The following ABHD8 variants were observed in gnomAD, a reference collection of about 807,000 sequenced individuals.
The protein encoded by ABHD8 is protein ABHD8.
In ABHD8, 10 loss-of-function variants were observed where a neutral mutation model predicts 29.3. That is an observed-to-expected ratio of 0.34 (90% CI 0.21 to 0.58). The LOEUF is 0.58. Among genes scored for constraint, ABHD8 ranks in the 20% least tolerant of loss-of-function variants. The pLI is 0.85. For synonymous variants in ABHD8, 282 were observed against 274.6 expected, an observed-to-expected ratio of 1.03 and a Z score of -0.27; for missense variants, 556 against 615.3, an observed-to-expected ratio of 0.90 and a Z score of 1.02.
At chr19:17,298,639 G>A (rs2074103429) in intron 2 of ABHD8, among the ~76,000 whole-genome samples, 1 of 151,776 alleles carries the variant, frequency 6.6e-6, no homozygotes, top group Admixed American at 6.6e-5. Flanking sequence ...TGCATCCAGT[G>A]GGCAGAAGCC....
Position 17,292,609 on chromosome 19 carries a change from C to G in ABHD8, c.*52G>C. 4.5e-6 allele frequency: 7 copies of G among 1,540,024 alleles called. No homozygotes were observed. Among genetic ancestry groups the G allele is most frequent in the Non-Finnish European group, 6.1e-6 (7 of 1,143,866 alleles). On this transcript the variant is annotated 3_prime_UTR_variant, in exon 5 of 5. Transcript: ENST00000247706. ...GCTGCAGACCTGGCGCAGGCTCGGG[C>G]CTCCTCCTGCTGCGGCTGTGCTCAC...
At chr19:17,301,953 C>G (rs2074122157) in intron 1 of ABHD8, among the ~76,000 whole-genome samples, 1 of 152,124 alleles carries the variant, frequency 6.6e-6, no homozygotes, top group South Asian at 2.1e-4. Context: ...GCCACCATGT[C>G]TAGCTAATTT....
At position 17,298,836 on chromosome 19, in the gene ABHD8, G is replaced by A. The variant is rs1356551111; in HGVS notation, c.761+2020C>T. On this transcript the variant is annotated intron_variant, in intron 2 of 4. Transcript: ENST00000247706. Reference sequence around the variant, plus strand: ...GCTCACTGCAACCTCTGCCTCCCAGGTTCAAGTGATTCTCCTGCCTCACAC... The same window carrying A: ...GCTCACTGCAACCTCTGCCTCCCAGATTCAAGTGATTCTCCTGCCTCACAC... Among the ~76,000 whole-genome samples, 4 of 144,146 alleles carry A rather than the reference G, an allele frequency of 2.8e-5. No individual in the cohort carries two copies. The East Asian group carries it at 6.0e-4, about 22-fold the overall frequency. 94.6% of individuals were successfully genotyped at this position (144,146 alleles called of 152,430 possible).
At chr19:17,294,156 A>G (rs1040202977) in intron 4 of ABHD8, 132 bp downstream of exon 4, 110 of 1,142,456 alleles carry the variant, frequency 9.6e-5, no homozygotes, top group Non-Finnish European at 1.2e-4. Flanking sequence ...GGCCACGCCC[A>G]CCCGGCAGCC....
intron 2 of ABHD8, among the ~76,000 whole-genome samples, chr19:17,299,561 A>C (rs1017659744): frequency 1.2e-5 from 1 of 80,986 alleles, no homozygotes; most frequent in African/African-American, 5.0e-5. Context: ...ACTCCATCTC[A>C]AAAAAAAAAA....
At chr19:17,295,762 C>T (rs1448812495) in intron 2 of ABHD8, among the ~76,000 whole-genome samples, 1 of 152,128 alleles carries the variant, frequency 6.6e-6, no homozygotes, top group Non-Finnish European at 1.5e-5. Context: ...TGGAGTGGTG[C>T]GGTGGCGTAA....
intron 2 of ABHD8, among the ~76,000 whole-genome samples, chr19:17,300,513 T>C (rs2074112504): frequency 6.6e-6 from 1 of 152,100 alleles, no homozygotes; most frequent in African/African-American, 2.4e-5. Context: ...AGTCTCCCTC[T>C]GTCGCCCAGG....
chr19:17,295,198 C>T (rs2074088581), intron 2 of ABHD8, among the ~76,000 whole-genome samples: 1 of 149,310 alleles, frequency 6.7e-6, no homozygotes, highest in Non-Finnish European at 1.5e-5. Context: ...CTCCGCTTCC[C>T]GGGTTCACGC....
rs199521781 is a variant in ABHD8 at position 17,294,316 on chromosome 19, G to A, written c.1121C>T (p.Pro374Leu). 102 of 1,608,896 alleles carry A rather than the reference G, an allele frequency of 6.3e-5. No individual in the cohort carries two copies. The highest frequency in any genetic ancestry group is 8.0e-5 in the Non-Finnish European group (94 of 1,179,854). Residue 374 changes from proline to leucine, a missense_variant, in exon 4 of 5, where the codon CCG (proline) becomes CTG (leucine). Transcript: ENST00000247706. ...GGCCATGCGCTGGTCTTCCTCCACC[G>A]GCACAAACTTATCGTGCATGCCGTG... is the stretch of plus-strand genomic sequence containing the variant. Reference protein sequence around the residue: ...LVHGMHDKFVPVEEDQRMAEI... With the variant: ...LVHGMHDKFVLVEEDQRMAEI...
intron 2 of ABHD8, chr19:17,298,468 G>T (rs1400715295): frequency 6.6e-6 from 1 of 152,112 alleles, no homozygotes; most frequent in Non-Finnish European, 1.5e-5. Flanking sequence ...ACAGGATTCC[G>T]ATGAGCGCTT....
chr19:17,292,559 C>A lies in ABHD8; in HGVS notation c.*102G>T. ...CCTGACCTGGCCCCGCCCACCGGAGCGAACGGCCCGCCCAGGTGGTCTGCG... is the reference window on the plus strand; with the variant it reads ...CCTGACCTGGCCCCGCCCACCGGAGAGAACGGCCCGCCCAGGTGGTCTGCG... On this transcript the variant is annotated 3_prime_UTR_variant, in exon 5 of 5. Coordinates refer to ENST00000247706, the MANE Select transcript of ABHD8 (RefSeq NM_024527.5). The A allele has an allele frequency of 1.5e-6, 2 of 1,328,110 alleles. No individual in the cohort carries two copies. The highest frequency in any genetic ancestry group is 2.0e-6 in the Non-Finnish European group (2 of 1,017,102). The allele number at this position is 1,328,110 out of a possible 1,614,324, so 82.3% of individuals were successfully genotyped here. A position where few individuals can be genotyped will look rare whatever the true frequency, so the allele number is the denominator to read the frequency against.
intron 4 of ABHD8, 47 bp from the exon 5 acceptor site, chr19:17,292,878 G>A (rs1250144588): frequency 1.9e-6 from 3 of 1,580,396 alleles, no homozygotes; most frequent in Non-Finnish European, 1.7e-6. Flanking sequence ...AGAGGGTGGA[G>A]AGAGGCCAGG....
In ABHD8 at chr19:17,294,764, C is replaced by T. The variant is rs777500896; in HGVS notation, c.843G>A (p.Thr281=). ...TTGAGCAGAAGCTGGGCTCCAGCGC[C>T]GTAGGGCCCCCGCCATTGATCATGA... ...KVIMINGGGP[T]ALEPSFCSIF... The change falls in exon 3 of 5, where the codon ACG becomes ACA. Residue 281 remains threonine (T), a synonymous_variant. Transcript: ENST00000247706. The T allele has an allele frequency of 3.7e-6, 6 of 1,614,028 alleles. No individual in the cohort carries two copies. The highest frequency in any genetic ancestry group is 5.1e-6 in the Non-Finnish European group (6 of 1,180,038).
chr19:17,297,313 C>T (rs1382640206), intron 2 of ABHD8, among the ~76,000 whole-genome samples: 1 of 151,638 alleles, frequency 6.6e-6, no homozygotes, highest in Non-Finnish European at 1.5e-5. Flanking sequence ...GTTTTTTTCT[C>T]GAGACAGAGT....
chr19:17,299,242 C>CT (rs796827763), intron 2 of ABHD8, among the ~76,000 whole-genome samples: 1 of 146,950 alleles, frequency 6.8e-6, no homozygotes, highest in African/African-American at 2.5e-5. Context: ...AGACCCCCCC[C>CT]CCATTCTCTA....
rs1374813542 is a variant in ABHD8 at position 17,292,184 on chromosome 19, G to C, written c.*477C>G. 1.1e-5 allele frequency: 2 copies of C among 183,828 alleles called. No homozygotes were observed. Among genetic ancestry groups the C allele is most frequent in the Non-Finnish European group, 2.2e-5 (2 of 89,868 alleles). 11.4% of individuals were successfully genotyped at this position (183,828 alleles called of 1,614,324 possible). A position where few individuals can be genotyped will look rare whatever the true frequency, so the allele number is the denominator to read the frequency against. ...ACAAGTTGAGATGTGCAGGTTCGGT[G>C]GCGCCAGCCCCCCCATCCCCCCCCC... On this transcript the variant is annotated 3_prime_UTR_variant, in exon 5 of 5. Coordinates refer to ENST00000247706, the MANE Select transcript of ABHD8 (RefSeq NM_024527.5).
intron 4 of ABHD8, 88 bp downstream of exon 4, chr19:17,294,200 C>T: frequency 4.1e-6 from 6 of 1,458,690 alleles, no homozygotes; most frequent in African/African-American, 1.4e-5. Context: ...GCCCACCAAG[C>T]GCTACCACGC....
intron 2 of ABHD8, among the ~76,000 whole-genome samples, chr19:17,299,659 C>T (rs1236967017): frequency 6.6e-6 from 1 of 151,280 alleles, no homozygotes; most frequent in African/African-American, 2.4e-5. Flanking sequence ...CACTTGAGCC[C>T]AGTAGTTAAA....
intron 1 of ABHD8, among the ~76,000 whole-genome samples, chr19:17,301,880 C>T (rs1178001760): frequency 2.0e-5 from 3 of 151,960 alleles, no homozygotes; most frequent in African/African-American, 4.8e-5. Flanking sequence ...TGCAACCTCC[C>T]CCTCCTGGGT....
Sources: gnomAD v4.1 joint callset for allele counts (sites outside exome capture counted in the v4.1 genomes callset) on GRCh38, gnomAD v4.1.1 for gene constraint, MANE v1.5 for transcripts, NCBI Gene and HGNC (gene_info 2026-07-23, HGNC 2026-07-21) for gene names.